ELL: variants seen among roughly 807,000 people sequenced by gnomAD.
ELL encodes RNA polymerase II elongation factor ELL.
A neutral mutation model predicts 64.0 loss-of-function variants in ELL; 18 were observed. The ratio of observed to expected loss-of-function variants is 0.28; its 90% confidence interval spans 0.19 to 0.42. The LOEUF (loss-of-function observed/expected upper bound fraction) is 0.42, where lower values mean the gene tolerates loss of function less well. ELL is among the 10% of genes least tolerant of loss of function. ELL has a pLI of 1.00. For missense variants in ELL, 797 were observed against 870.4 expected, an observed-to-expected ratio of 0.92 and a Z score of 1.06; for synonymous variants, 399 against 376.2, an observed-to-expected ratio of 1.06 and a Z score of -0.70.
At chr19:18,469,684 G>GCCACAGGGGCTCATCCTAGGCGCTT (rs1975022207) in intron 2 of ELL, among the ~76,000 whole-genome samples, 1 of 152,224 alleles carries the variant, frequency 6.6e-6, no homozygotes, top group South Asian at 2.1e-4. Flanking sequence ...CAGAGCCCAG[G>GCCACAGGGGCTCATCCTAGGCGCTT]CCACAGGGGC....
At chr19:18,497,228 T>C (rs1250254380) in intron 1 of ELL, among the ~76,000 whole-genome samples, 1 of 152,162 alleles carries the variant, frequency 6.6e-6, no homozygotes, top group Non-Finnish European at 1.5e-5. Context: ...TGCAAAGACA[T>C]GAAGGGGCCT....
At chr19:18,458,395 G>T in intron 5 of ELL, 66 bp from the exon 6 acceptor site, 1 of 1,574,286 alleles carries the variant, frequency 6.4e-7, no homozygotes, top group Non-Finnish European at 8.6e-7. Flanking sequence ...AGAGAAAAAA[G>T]ATCTGATAGT....
In ELL at chr19:18,485,047, C is replaced by T. The variant is rs555197562; in HGVS notation, c.136-12165G>A. The stretch of plus-strand genomic sequence containing the variant: ...CTGACGTTTCTGAGGTGAATGAGAA[C>T]GCTCTAGGGCCTGACATGGGCCATC... On this transcript the variant is annotated intron_variant, in intron 1 of 11. Transcript: ENST00000262809. 1.4e-4 allele frequency among the ~76,000 whole-genome samples: 21 copies of T among 152,318 alleles called. No homozygotes were observed. In the South Asian group the frequency reaches 2.5e-3, roughly 18 times the overall value.
intron 1 of ELL, among the ~76,000 whole-genome samples, chr19:18,515,324 T>A (rs1976105551): frequency 6.6e-6 from 1 of 152,178 alleles, no homozygotes; most frequent in East Asian, 1.9e-4. Context: ...GGTGCACCAG[T>A]GGGCCACTCC....
chr19:18,448,156 G>A (rs1227533009), intron 8 of ELL: 1 of 150,502 alleles, frequency 6.6e-6, no homozygotes, highest in African/African-American at 2.5e-5. Context: ...GGCTGGTCTT[G>A]AACTCCTGGA....
intron 6 of ELL, among the ~76,000 whole-genome samples, chr19:18,454,043 G>T (rs1006255319): frequency 2.0e-5 from 3 of 152,170 alleles, no homozygotes; most frequent in African/African-American, 4.8e-5. Context: ...GACTCCTGAT[G>T]GGGATAGGGT....
intron 4 of ELL, among the ~76,000 whole-genome samples, chr19:18,464,137 G>A (rs527509250): frequency 1.6e-4 from 25 of 152,362 alleles, no homozygotes; most frequent in African/African-American, 6.0e-4. Context: ...GGGAGGCCCA[G>A]GCGAAAGGAT....
Position 18,462,335 on chromosome 19 carries a change from C to CTGTGTGTGTGTGTGTGTGTG in ELL, c.470-503_470-484dup, listed in dbSNP as rs370735358. Among the ~76,000 whole-genome samples the CTGTGTGTGTGTGTGTGTGTG allele has an allele frequency of 4.6e-5, 3 of 64,994 alleles. 1 individual carries two copies. Among genetic ancestry groups the CTGTGTGTGTGTGTGTGTGTG allele is most frequent in the African/African-American group, 3.2e-4 (3 of 9,418 alleles). The allele number at this position is 64,994 out of a possible 152,430, so 42.6% of individuals were successfully genotyped here. On this transcript the variant is annotated intron_variant, in intron 4 of 11. Transcript: ENST00000262809. ...GAAATCACCTGATCACTCTAGTGGG[C>CTGTGTGTGTGTGTGTGTGTG]TGTGTGTGTGTGTGTGTGTGTGTGT...
chr19:18,471,809 G>A (rs1164476748), intron 2 of ELL, among the ~76,000 whole-genome samples: 1 of 152,124 alleles, frequency 6.6e-6, no homozygotes, highest in Non-Finnish European at 1.5e-5. Context: ...TCATTTAGAA[G>A]AAAACATATT....
intron 10 of ELL, 90 bp downstream of exon 10, chr19:18,446,219 C>A: frequency 7.1e-7 from 1 of 1,415,222 alleles, no homozygotes; most frequent in Non-Finnish European, 9.3e-7. Context: ...GACTCTGGGG[C>A]CACCAAGCTC....
intron 1 of ELL, among the ~76,000 whole-genome samples, chr19:18,480,720 G>A (rs1031835800): frequency 4.6e-5 from 7 of 152,048 alleles, no homozygotes; most frequent in African/African-American, 1.7e-4. Context: ...CTGCAGCTTC[G>A]ACCTTCTAGG....
At chr19:18,479,640 C>T (rs1600470049) in intron 1 of ELL, among the ~76,000 whole-genome samples, 1 of 134,194 alleles carries the variant, frequency 7.5e-6, no homozygotes, top group South Asian at 2.5e-4. Context: ...ACCCGGTAGG[C>T]GGAGGTTGCA....
intron 1 of ELL, 92 bp from the exon 2 acceptor site, chr19:18,472,974 G>C: frequency 7.1e-7 from 1 of 1,406,564 alleles, no homozygotes; most frequent in South Asian, 1.3e-5. Flanking sequence ...TATAGAAGGA[G>C]CAGGGTGAAG....
intron 1 of ELL, among the ~76,000 whole-genome samples, chr19:18,497,709 C>T (rs1188896061): frequency 1.3e-5 from 2 of 148,282 alleles, no homozygotes; most frequent in Non-Finnish European, 3.0e-5. Context: ...CCCAGCTACC[C>T]GGGAGGCTGG....
At position 18,458,347 on chromosome 19, in the gene ELL, C is replaced by T; in HGVS notation, c.745-18G>A. 6.2e-7 allele frequency: 1 copy of T among 1,603,134 alleles called. No homozygotes were observed. Among genetic ancestry groups the T allele is most frequent in the Non-Finnish European group, 8.5e-7 (1 of 1,173,240 alleles). On this transcript the variant is annotated intron_variant, in intron 5 of 11. Transcript: ENST00000262809. ...TTGGCCACCTGCAAGACAGAGCCAG[C>T]CATCACTTTGTGGGAATCCTGAGAG...
At chr19:18,499,780 T>TG (rs1383055164) in intron 1 of ELL, among the ~76,000 whole-genome samples, 2 of 151,960 alleles carry the variant, frequency 1.3e-5, no homozygotes, top group Non-Finnish European at 2.9e-5. Flanking sequence ...GAAAGGACAC[T>TG]GGGGGGCTCT....
intron 1 of ELL, among the ~76,000 whole-genome samples, chr19:18,493,196 G>A (rs998588192): frequency 6.6e-6 from 1 of 152,144 alleles, no homozygotes; most frequent in Admixed American, 6.5e-5. Context: ...GGATTTGTCT[G>A]AGATAATAAA....
At chr19:18,500,261 CAAAAA>C (rs545592109) in intron 1 of ELL, among the ~76,000 whole-genome samples, 2 of 66,070 alleles carry the variant, frequency 3.0e-5, no homozygotes, top group Non-Finnish European at 6.3e-5. Context: ...GACTCCGTCT[CAAAAA>C]AAAAAAAAAA....
intron 9 of ELL, 41 bp downstream of exon 9, chr19:18,446,707 A>C (rs1568373842): frequency 1.2e-6 from 2 of 1,611,752 alleles, no homozygotes; most frequent in Non-Finnish European, 1.7e-6. Context: ...CTGAACCCAG[A>C]AAAGGGAGGC....
Sources: allele counts gnomAD v4.1 joint callset (sites outside exome capture counted in the v4.1 genomes callset), GRCh38; gene constraint gnomAD v4.1.1; transcripts MANE v1.5; gene names NCBI Gene and HGNC (gene_info 2026-07-23, HGNC 2026-07-21).